The following DHX9 variants were observed in gnomAD, a reference collection of about 807,000 sequenced individuals.
DHX9 encodes ATP-dependent RNA helicase A.
DHX9 carries 27 observed loss-of-function variants against 148.7 expected under a neutral mutation model. That is an observed-to-expected ratio of 0.18 (90% CI 0.13 to 0.25). The LOEUF is 0.25. Ranked by LOEUF, DHX9 falls within the 10% of genes least tolerant of loss-of-function variation. The probability of loss-of-function intolerance (pLI) is 1.00; values close to 1 mark genes in which losing one functional copy is unlikely to be tolerated. For synonymous variants in DHX9, 529 were observed against 516.6 expected (o/e 1.02, Z -0.33); for missense variants, 796 against 1,559.6 (o/e 0.51, Z 8.25).
chr1:182,865,739 C>T (rs1244010579), intron 12 of DHX9, among the ~76,000 whole-genome samples: 1 of 152,206 alleles, frequency 6.6e-6, no homozygotes, highest in Non-Finnish European at 1.5e-5. Context: ...GTATATAAAT[C>T]TTCGTGTACC....
chr1:182,853,311 A>G lies in DHX9; in HGVS notation c.370A>G (p.Asn124Asp). 2 of 1,606,142 alleles carry G rather than the reference A, an allele frequency of 1.2e-6. No individual in the cohort carries two copies. Among genetic ancestry groups the G allele is most frequent in the East Asian group, 2.2e-5 (1 of 44,838 alleles). The change falls in exon 5 of 28, where the codon AAT (asparagine) becomes GAT (aspartate). Residue 124 changes from asparagine to aspartate, a missense_variant. Physicochemically the swap from Asn to Asp is conservative, Grantham distance 23. Transcript: ENST00000367549. ...PPHLALKAEN[N>D]SEVGASGYGV... is the part of the protein sequence containing the mutation. ...AATTTTTTTTCTTTTAACAGAAAATAATTCTGAGGTAGGGGCCTCTGGCTA... is the reference window on the plus strand; with the variant it reads ...AATTTTTTTTCTTTTAACAGAAAATGATTCTGAGGTAGGGGCCTCTGGCTA...
chr1:182,842,450 C>T, intron 1 of DHX9, 95 bp from the exon 2 acceptor site: 1 of 636,882 alleles, frequency 1.6e-6, no homozygotes, highest in East Asian at 2.9e-5. Context: ...GATAGAATAT[C>T]CTATGTTTAA....
At chr1:182,862,247 C>G (rs2102603597) in intron 12 of DHX9, among the ~76,000 whole-genome samples, 1 of 152,244 alleles carries the variant, frequency 6.6e-6, no homozygotes, top group African/African-American at 2.4e-5. Context: ...TCTCAGTTCA[C>G]AGAGCACAAG....
Position 182,866,591 on chromosome 1 carries a change from T to A in DHX9, c.1474+6T>A. On this transcript the variant is annotated splice_donor_region_variant and intron_variant, in intron 13 of 27. Transcript: ENST00000367549. ...TATAATGTTTTGTACTGTAGGTCAG[T>A]AATGTATTTTGATTTTTCATTTGGG... The A allele has an allele frequency of 6.2e-7, 1 of 1,607,384 alleles. No individual in the cohort carries two copies. Among genetic ancestry groups the A allele is most frequent in the Non-Finnish European group, 8.5e-7 (1 of 1,175,638 alleles).
rs369798506 is a variant in DHX9 at position 182,876,278 on chromosome 1, A to G, written c.2029+15A>G. 5.0e-6 allele frequency: 8 copies of G among 1,611,124 alleles called. No individual in the cohort carries two copies. The highest frequency in any genetic ancestry group is 5.9e-6 in the Non-Finnish European group (7 of 1,178,036). ...TCCACATTTTGGTATGAGTCTTTGA[A>G]TTCTCACATATTTGAGAGTGAAAAT... On this transcript the variant is annotated intron_variant, in intron 17 of 27. Transcript: ENST00000367549.
chr1:182,849,973 T>C (rs1668103243), intron 3 of DHX9, among the ~76,000 whole-genome samples: 2 of 142,038 alleles, frequency 1.4e-5, no homozygotes. Context: ...TTGTAAAGTG[T>C]ACACACGTAC....
intron 12 of DHX9, among the ~76,000 whole-genome samples, chr1:182,861,631 C>G (rs936559790): frequency 1.3e-5 from 2 of 152,202 alleles, no homozygotes; most frequent in African/African-American, 4.8e-5. Flanking sequence ...CTCAAGTTGT[C>G]TGCATGTCAT....
intron 11 of DHX9, among the ~76,000 whole-genome samples, chr1:182,859,644 G>A (rs550549720): frequency 2.0e-5 from 3 of 152,130 alleles, no homozygotes; most frequent in South Asian, 4.2e-4. Flanking sequence ...ACAAAGTCTC[G>A]CTTAGTTGCC....
chr1:182,841,370 A>G (rs1667926552), intron 1 of DHX9, among the ~76,000 whole-genome samples: 1 of 152,226 alleles, frequency 6.6e-6, no homozygotes, highest in South Asian at 2.1e-4. Flanking sequence ...ATTGAACATT[A>G]TGGGGTTGTA....
chr1:182,876,005 G>A (rs751118639), intron 16 of DHX9, 45 bp from the exon 17 acceptor site: 1 of 1,494,282 alleles, frequency 6.7e-7, no homozygotes, highest in Non-Finnish European at 9.3e-7. Flanking sequence ...CTTACCTCAT[G>A]AGTAACTGAG....
intron 6 of DHX9, among the ~76,000 whole-genome samples, chr1:182,855,945 A>G (rs1180493775): frequency 6.6e-6 from 1 of 152,214 alleles, no homozygotes; most frequent in African/African-American, 2.4e-5. Context: ...GTTCTCCAGG[A>G]CCTGATTTAA....
At chr1:182,853,686 C>G (rs1445712564) in intron 5 of DHX9, among the ~76,000 whole-genome samples, 3 of 151,996 alleles carry the variant, frequency 2.0e-5, no homozygotes, top group Non-Finnish European at 4.4e-5. Flanking sequence ...ATGTAATTAT[C>G]TCAGGGGACC....
intron 12 of DHX9, among the ~76,000 whole-genome samples, chr1:182,860,758 A>G (rs376918366): frequency 1.3e-5 from 2 of 152,212 alleles, no homozygotes; most frequent in Admixed American, 6.5e-5. Flanking sequence ...CTTCCTTTTA[A>G]CTAACACTGT....
chr1:182,853,727 GTC>G, intron 5 of DHX9, among the ~76,000 whole-genome samples: 1 of 151,824 alleles, frequency 6.6e-6, no homozygotes, highest in East Asian at 1.9e-4. Flanking sequence ...GTAAAAAAAA[GTC>G]TTTAGTATAG....
chr1:182,880,802 C>A (rs900952430), intron 22 of DHX9, among the ~76,000 whole-genome samples, 194 bp downstream of exon 22: 4 of 151,950 alleles, frequency 2.6e-5, no homozygotes, highest in Admixed American at 2.6e-4. Context: ...GATATCTGGG[C>A]CCAATATGGG....
At chr1:182,846,499 G>T (rs1557963703) in intron 3 of DHX9, among the ~76,000 whole-genome samples, 1 of 152,242 alleles carries the variant, frequency 6.6e-6, no homozygotes, top group Non-Finnish European at 1.5e-5. Context: ...CTCCCAAAGT[G>T]CTGGGATTAC....
At chr1:182,866,870 G>A in intron 13 of DHX9, 91 bp from the exon 14 acceptor site, 2 of 974,450 alleles carry the variant, frequency 2.1e-6, no homozygotes, top group Non-Finnish European at 1.6e-6. Flanking sequence ...CTAAAATGAT[G>A]CTGGGGTCTC....
intron 12 of DHX9, among the ~76,000 whole-genome samples, chr1:182,863,038 G>A (rs1461674690): frequency 6.6e-6 from 1 of 152,180 alleles, no homozygotes; most frequent in Admixed American, 6.5e-5. Context: ...ATAAGCAGAT[G>A]TATGCAATGA....
chr1:182,879,915 G>C (rs550529070), intron 21 of DHX9, among the ~76,000 whole-genome samples: 4 of 152,054 alleles, frequency 2.6e-5, no homozygotes, highest in Non-Finnish European at 5.9e-5. Context: ...ACTAAGACAG[G>C]GTTTCACCAT....
Sources: allele counts gnomAD v4.1 joint callset (sites outside exome capture counted in the v4.1 genomes callset), GRCh38; gene constraint gnomAD v4.1.1; transcripts MANE v1.5; gene names NCBI Gene and HGNC (gene_info 2026-07-23, HGNC 2026-07-21).